Variants in SMG1 observed in about 807,000 individuals in gnomAD.
SMG1 encodes the protein SMG1 nonsense mediated mRNA decay associated PI3K related kinase.
SMG1 carries 22 observed loss-of-function variants against 419.9 expected under a neutral mutation model. The ratio of observed to expected loss-of-function variants is 0.05; its 90% CI spans 0.04 to 0.07. SMG1 has a LOEUF of 0.07. SMG1 is among the 10% of genes least tolerant of loss of function. The probability of loss-of-function intolerance (pLI) is 1.00; values close to 1 mark genes in which losing one functional copy is unlikely to be tolerated. For missense variants in SMG1, 3,185 were observed against 4,342.0 expected, an observed-to-expected ratio of 0.73 and a Z score of 7.49; for synonymous variants, 1,538 against 1,553.5, an observed-to-expected ratio of 0.99 and a Z score of 0.23.
intron 23 of SMG1, among the ~76,000 whole-genome samples, chr16:18,865,791 T>C (rs2035468732): frequency 6.6e-6 from 1 of 151,930 alleles, no homozygotes; most frequent in South Asian, 2.1e-4. Flanking sequence ...GCCTCCCAAG[T>C]AGCTGGGATT....
chr16:18,812,563 C>CAT (rs2031521166), intron 60 of SMG1, among the ~76,000 whole-genome samples: 1 of 150,266 alleles, frequency 6.7e-6, no homozygotes, highest in African/African-American at 2.5e-5. Context: ...TATATATATA[C>CAT]ATATATATAC....
intron 1 of SMG1, among the ~76,000 whole-genome samples, chr16:18,897,166 T>C (rs2037165424): frequency 6.6e-6 from 1 of 152,190 alleles, no homozygotes; most frequent in Non-Finnish European, 1.5e-5. Context: ...CTTTTCAGTC[T>C]CTTCTATTGT....
Position 18,845,479 on chromosome 16 carries a change from T to C in SMG1, c.6169A>G (p.Thr2057Ala). Reference sequence around the variant, plus strand: ...CCAGGCTTTGCAGGGTTCAATGGAGTCTTCAGTTTTTCTAGGGCATTTTCA... The same window carrying C: ...CCAGGCTTTGCAGGGTTCAATGGAGCCTTCAGTTTTTCTAGGGCATTTTCA... ...AIENALEKLKTPLNPAKPGSS... is the reference protein window; with the variant it reads ...AIENALEKLKAPLNPAKPGSS... Residue 2057 changes from threonine (T) to alanine (A), a missense_variant, in exon 39 of 63, where the codon ACT becomes GCT. By Grantham distance (58) the Thr-to-Ala change is moderately conservative (BLOSUM62 0). This residue lies in a region of SMG1 where 159 missense variants were observed against 196.0 expected (regional missense o/e 0.81). Coordinates refer to ENST00000446231, the MANE Select transcript of SMG1 (RefSeq NM_015092.5). 6.2e-7 allele frequency: 1 copy of C among 1,613,830 alleles called. No homozygotes were observed. Among genetic ancestry groups the C allele is most frequent in the Non-Finnish European group, 8.5e-7 (1 of 1,179,870 alleles).
Position 18,926,295 on chromosome 16 carries a change from G to C in SMG1, c.-254C>G. 2 of 505,364 alleles carry C rather than the reference G, an allele frequency of 4.0e-6. No homozygotes were observed. Among genetic ancestry groups the C allele is most frequent in the Non-Finnish European group, 6.9e-6 (2 of 288,832 alleles). The allele number at this position is 505,364 out of a possible 1,614,324, so 31.3% of individuals were successfully genotyped here. A position where few individuals can be genotyped will look rare whatever the true frequency, so the allele number is the denominator to read the frequency against. On this transcript the variant is annotated 5_prime_UTR_variant, in exon 1 of 63. Transcript: ENST00000446231. ...GCGCGGTGAGAGAGAGGCGGATGAA[G>C]GGGAGGCGACGTCTTTTCCAGGGCC...
At position 18,833,140 on chromosome 16, in the gene SMG1, G is replaced by T. The variant is rs772625321; in HGVS notation, c.8592C>A (p.Ile2864=). The T allele has an allele frequency of 6.2e-7, 1 of 1,613,758 alleles. No individual in the cohort carries two copies. Among genetic ancestry groups the T allele is most frequent in the Non-Finnish European group, 8.5e-7 (1 of 1,179,808 alleles). The stretch of plus-strand genomic sequence containing the variant: ...AACATCGAAGTGCTTCTGGAAATAT[G>T]ATTTGCCGGAAATTCGAATTCAATT... The part of the protein sequence containing the change: ...LQELNSNFRQ[I]IFPEALRCLM... Residue 2864 remains isoleucine (I), a synonymous_variant, in exon 51 of 63, where the codon ATC becomes ATA. Transcript: ENST00000446231.
chr16:18,923,043 G>A (rs35959394), intron 1 of SMG1, among the ~76,000 whole-genome samples: 46,480 of 152,050 alleles, frequency 0.31, 7,883 homozygotes, highest in Non-Finnish European at 0.38. Context: ...CTGTGCCACT[G>A]CACTCCAGCC....
rs546756445 is a variant in SMG1 at position 18,872,453 on chromosome 16, T to A, written c.2021+41A>T. The stretch of plus-strand genomic sequence containing the variant: ...AAAATCTATCCATTAAAAAAAAAAA[T>A]GTTTTGTGGGGTTCTTAAGAAAAAT... On this transcript the variant is annotated intron_variant, in intron 14 of 62. Coordinates refer to ENST00000446231, the MANE Select transcript of SMG1 (RefSeq NM_015092.5). 5.7e-5 allele frequency: 85 copies of A among 1,496,090 alleles called. 1 individual carries two copies. The East Asian group carries it at 8.8e-4, about 16-fold the overall frequency. The allele number at this position is 1,496,090 out of a possible 1,614,324, so 92.7% of individuals were successfully genotyped here.
rs1368128989 is a variant in SMG1, at chr16:18,811,833, C to A, written c.10836G>T (p.Val3612=). 1.2e-6 allele frequency: 2 copies of A among 1,614,028 alleles called. No individual in the cohort carries two copies. The highest frequency in any genetic ancestry group is 1.1e-5 in the South Asian group (1 of 91,086). The part of the protein sequence containing the change: ...VQERNSYAVS[V]WKRVKAKLEG... ...CTAACTTGGCTTTCACTCTCTTCCA[C>A]ACACTCACTGCATAGGAGTTTCTCT... Residue 3612 remains valine (V), a synonymous_variant, in exon 62 of 63, where the codon GTG becomes GTT. Transcript: ENST00000446231.
chr16:18,842,252 A>T lies in SMG1; in HGVS notation c.6422T>A (p.Leu2141His), dbSNP rs927699105. The T allele has an allele frequency of 2.5e-6, 4 of 1,613,964 alleles. No individual in the cohort carries two copies. The highest frequency in any genetic ancestry group is 3.4e-6 in the Non-Finnish European group (4 of 1,179,832). ...GCTCTTCCCATCTGATCCAAGAAAG[A>T]GAAGTTTCTTTGGCTTGGTTTTAGT... ...LPTKTKPKKL[L>H]FLGSDGKSYP... Residue 2141 changes from leucine to histidine, a missense_variant, in exon 40 of 63, where the codon CTC becomes CAC. This residue lies in a region of SMG1 where 159 missense variants were observed against 196.0 expected (regional missense o/e 0.81). Coordinates refer to ENST00000446231, the MANE Select transcript of SMG1 (RefSeq NM_015092.5).
chr16:18,898,342 T>C (rs1358651010), intron 1 of SMG1, among the ~76,000 whole-genome samples: 1 of 152,214 alleles, frequency 6.6e-6, no homozygotes, highest in African/African-American at 2.4e-5. Flanking sequence ...TATCTTCTAA[T>C]ATTCAGAGTT....
intron 3 of SMG1, among the ~76,000 whole-genome samples, chr16:18,893,758 TAA>T (rs34121400): frequency 6.6e-6 from 1 of 151,586 alleles, no homozygotes; most frequent in African/African-American, 2.4e-5. Flanking sequence ...AAAACATTGG[TAA>T]AAAAAGAAAC....
rs2030680124 is a variant in SMG1, at chr16:18,804,875, C to T, written c.*4694G>A. ...AAATGCTGTATCTTTTGAGACTGAA[C>T]CTTTATTTTCTGAAAAACAGGTATT... is the stretch of plus-strand genomic sequence containing the variant. On this transcript the variant is annotated 3_prime_UTR_variant, in exon 63 of 63. Transcript: ENST00000446231. 1 of 152,144 alleles carries T rather than the reference C, an allele frequency of 6.6e-6. No individual in the cohort carries two copies. The highest frequency in any genetic ancestry group is 2.4e-5 in the African/African-American group (1 of 41,356). 9.4% of individuals were successfully genotyped at this position (152,144 alleles called of 1,614,324 possible).
intron 25 of SMG1, among the ~76,000 whole-genome samples, chr16:18,862,536 C>G (rs561090772): frequency 2.0e-3 from 311 of 152,298 alleles, no homozygotes; most frequent in African/African-American, 7.0e-3. Flanking sequence ...CATTTCATTA[C>G]AAATCTTAAA....
intron 62 of SMG1, among the ~76,000 whole-genome samples, chr16:18,810,408 G>A (rs1337113530): frequency 6.6e-6 from 1 of 152,220 alleles, no homozygotes; most frequent in Non-Finnish European, 1.5e-5. Flanking sequence ...CAACGGAAGA[G>A]AAGAGGGAAA....
chr16:18,827,945 A>G, intron 55 of SMG1, 86 bp downstream of exon 55: 1 of 1,403,534 alleles, frequency 7.1e-7, no homozygotes, highest in Non-Finnish European at 9.7e-7. Flanking sequence ...ACAAATAGAC[A>G]CACTGAACAA....
intron 1 of SMG1, among the ~76,000 whole-genome samples, chr16:18,917,370 C>G (rs1414489159): frequency 6.6e-6 from 1 of 151,790 alleles, no homozygotes. Context: ...TCAGGCTGGT[C>G]TCTCCCGACC....
At chr16:18,888,571 G>A (rs1036948048) in intron 6 of SMG1, among the ~76,000 whole-genome samples, 7 of 151,484 alleles carry the variant, frequency 4.6e-5, no homozygotes, top group African/African-American at 7.3e-5. Context: ...AGGTTCAAGC[G>A]ATTCTCCTGC....
Position 18,850,264 on chromosome 16 carries a change from A to C in SMG1, c.5256T>G (p.Phe1752Leu). The C allele has an allele frequency of 6.2e-7, 1 of 1,612,360 alleles. No homozygotes were observed. Among genetic ancestry groups the C allele is most frequent in the Non-Finnish European group, 8.5e-7 (1 of 1,178,942 alleles). The change falls in exon 34 of 63, where the codon TTT (phenylalanine) becomes TTG (leucine). Residue 1752 changes from phenylalanine (F) to leucine (L), a missense_variant. Phe to Leu is a conservative substitution (Grantham distance 22). Transcript: ENST00000446231. ...SLYKLSCSAY[F>L]TFLKLNAGQI... ...GACCAGCGTTGAGTTTAAGGAAAGT[A>C]AAGTATGCACTGCAAGAGAGTTTGT... is the stretch of plus-strand genomic sequence containing the variant.
intron 39 of SMG1, among the ~76,000 whole-genome samples, chr16:18,844,755 G>A (rs1453943350): frequency 6.6e-6 from 1 of 152,070 alleles, no homozygotes; most frequent in Non-Finnish European, 1.5e-5. Flanking sequence ...CTCAAATTCA[G>A]TAAGGAAATC....
Sources: gnomAD v4.1 joint callset for allele counts (sites outside exome capture counted in the v4.1 genomes callset) on GRCh38, gnomAD v4.1.1 for gene constraint, gnomAD v4.1.1 regional missense constraint, MANE v1.5 for transcripts, NCBI Gene and HGNC (gene_info 2026-07-23, HGNC 2026-07-21) for gene names.